ACBD6: variants seen among roughly 807,000 people sequenced by gnomAD.
ACBD6 encodes the protein acyl-CoA-binding domain-containing protein 6.
A neutral mutation model predicts 37.2 loss-of-function variants in ACBD6; 28 were observed. The observed-to-expected ratio is 0.75, with a 90% CI of 0.56 to 1.03. The LOEUF (loss-of-function observed/expected upper bound fraction) is 1.03, where lower values mean the gene tolerates loss of function less well. Ranked by LOEUF, ACBD6 falls within the 50% of genes least tolerant of loss-of-function variation. The probability of loss-of-function intolerance (pLI) is 0.00; values close to 1 mark genes in which losing one functional copy is unlikely to be tolerated. For synonymous variants in ACBD6, 113 were observed against 126.8 expected, an observed-to-expected ratio of 0.89 and a Z score of 0.73; for missense variants, 340 against 337.4, an observed-to-expected ratio of 1.01 and a Z score of -0.06.
intron 5 of ACBD6, among the ~76,000 whole-genome samples, chr1:180,401,910 G>A (rs1418069820): frequency 1.3e-5 from 2 of 151,810 alleles, no homozygotes; most frequent in South Asian, 4.2e-4. Flanking sequence ...TATACCATAC[G>A]TATAACAGAT....
intron 5 of ACBD6, among the ~76,000 whole-genome samples, chr1:180,398,875 G>T (rs1654364482): frequency 6.7e-6 from 1 of 149,108 alleles, no homozygotes; most frequent in Non-Finnish European, 1.5e-5. Context: ...TTTTAGAAAA[G>T]ATTTAAATAG....
intron 6 of ACBD6, among the ~76,000 whole-genome samples, chr1:180,378,409 A>G (rs1558273480): frequency 6.6e-6 from 1 of 152,226 alleles, no homozygotes; most frequent in Non-Finnish European, 1.5e-5. Context: ...TATTAGTAGA[A>G]AAACTGTTGA....
intron 6 of ACBD6, among the ~76,000 whole-genome samples, chr1:180,384,823 A>G (rs1417314571): frequency 6.6e-6 from 1 of 152,230 alleles, no homozygotes; most frequent in Non-Finnish European, 1.5e-5. Context: ...TCAGCTATGA[A>G]GAAGAATGAA....
chr1:180,366,338 C>T (rs1342130989), intron 6 of ACBD6, among the ~76,000 whole-genome samples: 2 of 152,158 alleles, frequency 1.3e-5, no homozygotes, highest in Non-Finnish European at 2.9e-5. Flanking sequence ...GTAGCTTAGA[C>T]ATTTAGAAAC....
chr1:180,404,529 C>T (rs1332455508), intron 5 of ACBD6, among the ~76,000 whole-genome samples: 1 of 152,122 alleles, frequency 6.6e-6, no homozygotes, highest in African/African-American at 2.4e-5. Context: ...ACGATCTCAG[C>T]TCATTGCAAC....
chr1:180,323,821 G>C (rs1374380644), intron 6 of ACBD6, among the ~76,000 whole-genome samples: 2 of 151,888 alleles, frequency 1.3e-5, no homozygotes, highest in Non-Finnish European at 1.5e-5. Flanking sequence ...GTAGGCAACA[G>C]ATCATTGGGT....
chr1:180,310,839 C>T (rs1412317740), intron 7 of ACBD6, among the ~76,000 whole-genome samples: 1 of 152,180 alleles, frequency 6.6e-6, no homozygotes, highest in Non-Finnish European at 1.5e-5. Flanking sequence ...TAGACATTTA[C>T]ATGTTGCCAA....
chr1:180,321,154 C>A (rs1031023636), intron 6 of ACBD6, among the ~76,000 whole-genome samples: 47 of 152,234 alleles, frequency 3.1e-4, no homozygotes, highest in African/African-American at 8.7e-4. Flanking sequence ...ATCTATCTCT[C>A]TATTTTTATG....
intron 7 of ACBD6, among the ~76,000 whole-genome samples, chr1:180,290,489 T>A (rs78912446): frequency 6.6e-6 from 1 of 152,346 alleles, no homozygotes; most frequent in Non-Finnish European, 1.5e-5. Flanking sequence ...ATAGCCATTT[T>A]ATTGAGCACA....
intron 4 of ACBD6, among the ~76,000 whole-genome samples, chr1:180,417,575 C>T (rs1314848463): frequency 6.6e-6 from 1 of 152,094 alleles, no homozygotes; most frequent in East Asian, 1.9e-4. Context: ...AAGGAGGGAC[C>T]CAGCACTTCA....
exon 10 of ACBD6, chr1:180,275,049 C>T (rs1205242021): frequency 6.4e-6 from 1 of 155,344 alleles, no homozygotes; most frequent in Non-Finnish European, 1.4e-5. Context: ...GATTTCTGGA[C>T]CATCCTTATT....
intron 6 of ACBD6, among the ~76,000 whole-genome samples, chr1:180,345,824 C>G (rs1652158683): frequency 6.6e-6 from 1 of 152,090 alleles, no homozygotes; most frequent in African/African-American, 2.4e-5. Flanking sequence ...ACAATGTAAA[C>G]AGTATGTCTA....
At chr1:180,349,545 G>A (rs1162224566) in intron 6 of ACBD6, among the ~76,000 whole-genome samples, 8 of 151,118 alleles carry the variant, frequency 5.3e-5, no homozygotes, top group East Asian at 1.9e-4. Context: ...GTGAGCCACC[G>A]TGCCCAGCCT....
At chr1:180,289,040 A>T (rs1351142898) in intron 7 of ACBD6, among the ~76,000 whole-genome samples, 3 of 6,100 alleles carry the variant, frequency 4.9e-4, no homozygotes, top group Non-Finnish European at 2.5e-3. Flanking sequence ...ACAGGAACTA[A>T]AAAAAAAAAA....
chr1:180,307,782 C>T (rs922421104), intron 7 of ACBD6, among the ~76,000 whole-genome samples: 2 of 152,180 alleles, frequency 1.3e-5, no homozygotes, highest in East Asian at 1.9e-4. Flanking sequence ...CGGTAAAATC[C>T]CGTCTCTACT....
At chr1:180,466,006 G>A (rs978926044) in intron 3 of ACBD6, among the ~76,000 whole-genome samples, 1 of 152,076 alleles carries the variant, frequency 6.6e-6, no homozygotes, top group Non-Finnish European at 1.5e-5. Context: ...GTCTACTTGA[G>A]GGGGGAGGGT....
intron 4 of ACBD6, among the ~76,000 whole-genome samples, chr1:180,426,452 T>C (rs865866890): frequency 2.6e-5 from 4 of 152,330 alleles, no homozygotes; most frequent in African/African-American, 4.8e-5. Flanking sequence ...CCTATGCTTA[T>C]TGACCAGTAC....
intron 6 of ACBD6, among the ~76,000 whole-genome samples, chr1:180,356,814 G>T (rs78822583): frequency 0.044 from 6,469 of 147,882 alleles, 447 homozygotes; most frequent in African/African-American, 0.15. Context: ...TGAGCCACTT[G>T]CACTCCAGCC....
At chr1:180,421,320 T>A (rs942988288) in intron 4 of ACBD6, among the ~76,000 whole-genome samples, 2 of 152,230 alleles carry the variant, frequency 1.3e-5, no homozygotes, top group Non-Finnish European at 1.5e-5. Context: ...TCCAACTCCA[T>A]CCATGTCCCT....
Sources: gnomAD v4.1 joint callset for allele counts (sites outside exome capture counted in the v4.1 genomes callset) on GRCh38, gnomAD v4.1.1 for gene constraint, MANE v1.5 for transcripts, NCBI Gene and HGNC (gene_info 2026-07-23, HGNC 2026-07-21) for gene names.